The following SAMD5 variants were observed in gnomAD, a reference collection of about 807,000 sequenced individuals.
SAMD5 encodes the protein sterile alpha motif domain containing 5.
In SAMD5, 13 loss-of-function variants were observed where a neutral mutation model predicts 11.3. That is an observed-to-expected ratio of 1.15 (90% CI 0.75 to 1.83). SAMD5 has a LOEUF of 1.83. SAMD5 is among the 40% of genes most tolerant of loss of function. The probability of loss-of-function intolerance (pLI) is 0.00; values close to 1 mark genes in which losing one functional copy is unlikely to be tolerated. For synonymous variants in SAMD5, 129 were observed against 111.3 expected (o/e 1.16, Z -1.00); for missense variants, 255 against 239.1 (o/e 1.07, Z -0.44).
At position 147,569,220 on chromosome 6, in the gene SAMD5, A is replaced by G; in HGVS notation, c.*4764A>G. The G allele has an allele frequency of 8.0e-6, 1 of 125,688 alleles. No homozygotes were observed. The highest frequency in any genetic ancestry group is 1.4e-5 in the Non-Finnish European group (1 of 72,168). 7.8% of individuals were successfully genotyped at this position (125,688 alleles called of 1,614,324 possible). A position where few individuals can be genotyped will look rare whatever the true frequency, so the allele number is the denominator to read the frequency against. ...TGGGCAACAGAGTGAGACTCTGTCT[A>G]AAAAAAAAAAAAAAAGAAAAGAAAA... On this transcript the variant is annotated 3_prime_UTR_variant, in exon 2 of 2. Transcript: ENST00000367474.
At chr6:147,915,522 G>C in the SAMD5 span, among the ~76,000 whole-genome samples, 1 of 152,198 alleles carries the variant, frequency 6.6e-6, no homozygotes. Flanking sequence ...TTCCTCATTA[G>C]AGAAACAAGA....
intron 1 of SAMD5, among the ~76,000 whole-genome samples, chr6:147,632,973 G>A (rs1194684293): frequency 6.6e-6 from 1 of 151,598 alleles, no homozygotes; most frequent in Non-Finnish European, 1.5e-5. Context: ...TCCTTATTAA[G>A]CACCTTTGAT....
the SAMD5 span, among the ~76,000 whole-genome samples, chr6:147,821,935 T>A: frequency 2.6e-5 from 4 of 152,156 alleles, no homozygotes; most frequent in African/African-American, 9.7e-5. Flanking sequence ...GTCTAGATAT[T>A]TTTTCAGAAT....
intron 1 of SAMD5, among the ~76,000 whole-genome samples, chr6:147,640,294 C>T (rs1790290427): frequency 6.6e-6 from 1 of 150,468 alleles, no homozygotes; most frequent in South Asian, 2.1e-4. Flanking sequence ...TACCACTGCA[C>T]TCCAGCCTGG....
rs1789834103 is a variant in SAMD5 at position 147,614,329 on chromosome 6, T to G, written c.162+104942T>G. Among the ~76,000 whole-genome samples, 4 of 151,664 alleles carry G rather than the reference T, an allele frequency of 2.6e-5. No homozygotes were observed. The South Asian group carries it at 6.2e-4, about 24-fold the overall frequency. ...CTCAAAATACAAAAAATGAGCTGGGTGTGGCGGTGGGCACCTGTAGTCCCA... is the reference window on the plus strand; with the variant it reads ...CTCAAAATACAAAAAATGAGCTGGGGGTGGCGGTGGGCACCTGTAGTCCCA... On this transcript the variant is annotated intron_variant, in intron 1 of 1. Transcript: ENST00000566741.
the SAMD5 span, among the ~76,000 whole-genome samples, chr6:147,822,699 A>C: frequency 6.6e-6 from 1 of 152,204 alleles, no homozygotes; most frequent in Admixed American, 6.5e-5. Flanking sequence ...CAAAACCAGC[A>C]ATTATCCCTC....
the SAMD5 span, among the ~76,000 whole-genome samples, chr6:147,857,525 TATAATGATA>T: frequency 2.0e-5 from 3 of 151,718 alleles, no homozygotes; most frequent in Admixed American, 2.0e-4. Flanking sequence ...AAAAAAATTA[TATAATGATA>T]ATAATGACAA....
At chr6:147,749,792 A>G in the SAMD5 span, among the ~76,000 whole-genome samples, 71 of 152,306 alleles carry the variant, frequency 4.7e-4, no homozygotes, top group African/African-American at 1.1e-3. Context: ...GTAACCTCCA[A>G]AAATAGAAAA....
At chr6:147,795,077 T>C in the SAMD5 span, among the ~76,000 whole-genome samples, 3 of 151,786 alleles carry the variant, frequency 2.0e-5, no homozygotes, top group Admixed American at 6.6e-5. Context: ...TTTTTATTAT[T>C]ATTATACTTT....
rs1790901847 is a variant in SAMD5 at position 147,678,899 on chromosome 6, A to G, written c.163-58418A>G. 1.3e-5 allele frequency among the ~76,000 whole-genome samples: 2 copies of G among 152,156 alleles called. 1 individual carries two copies. Among genetic ancestry groups the G allele is most frequent in the South Asian group, 4.1e-4 (2 of 4,830 alleles). ...GTATACCCATGAAACCATCACCACA[A>G]TCAAGATAATGAACATATCCATCGT... On this transcript the variant is annotated intron_variant, in intron 1 of 1. Coordinates refer to the SAMD5 transcript ENST00000566741.
intron 1 of SAMD5, among the ~76,000 whole-genome samples, chr6:147,659,470 C>A (rs1187750317): frequency 6.6e-6 from 1 of 152,094 alleles, no homozygotes; most frequent in Non-Finnish European, 1.5e-5. Flanking sequence ...TTTTTGATCA[C>A]CAACTTGAGT....
At chr6:147,743,560 G>C in the SAMD5 span, among the ~76,000 whole-genome samples, 52 of 151,444 alleles carry the variant, frequency 3.4e-4, no homozygotes, top group African/African-American at 1.2e-3. Flanking sequence ...TAGATTGTTT[G>C]TATTAAATAT....
At chr6:147,682,697 A>G (rs930967536) in intron 1 of SAMD5, among the ~76,000 whole-genome samples, 1 of 152,244 alleles carries the variant, frequency 6.6e-6, no homozygotes, top group Non-Finnish European at 1.5e-5. Flanking sequence ...TTAATCAAAT[A>G]GTAGGTTTTG....
chr6:147,897,671 G>A, the SAMD5 span, among the ~76,000 whole-genome samples: 10 of 152,070 alleles, frequency 6.6e-5, no homozygotes, highest in Admixed American at 1.3e-4. Flanking sequence ...CAGACCAGGC[G>A]CAGGGGCTCA....
intron 1 of SAMD5, among the ~76,000 whole-genome samples, chr6:147,709,516 G>A (rs1203199016): frequency 6.6e-6 from 1 of 152,190 alleles, no homozygotes; most frequent in Non-Finnish European, 1.5e-5. Context: ...TTGGTTTTAA[G>A]ATAATTCTGT....
the SAMD5 span, among the ~76,000 whole-genome samples, chr6:147,917,408 G>A: frequency 6.6e-6 from 1 of 151,232 alleles, no homozygotes; most frequent in Admixed American, 6.6e-5. Context: ...GGGGTTGTTT[G>A]TTTTTTTCTT....
chr6:147,598,478 A>G (rs954805892), intron 1 of SAMD5, among the ~76,000 whole-genome samples: 1 of 152,170 alleles, frequency 6.6e-6, no homozygotes, highest in African/African-American at 2.4e-5. Flanking sequence ...TTTTGGCAGC[A>G]ATATAGTACA....
At chr6:147,509,562 C>T (rs941744417) in intron 1 of SAMD5, among the ~76,000 whole-genome samples, 175 bp downstream of exon 1, 30 of 152,076 alleles carry the variant, frequency 2.0e-4, no homozygotes, top group African/African-American at 7.2e-4. Context: ...TTCGTCCTTC[C>T]TGGTGTCTCC....
chr6:147,941,311 C>T, the SAMD5 span, among the ~76,000 whole-genome samples: 35,056 of 152,066 alleles, frequency 0.23, 4,626 homozygotes, highest in African/African-American at 0.35. Context: ...ATTACCTACT[C>T]GGTATGTGCA....
Sources: allele counts gnomAD v4.1 joint callset (sites outside exome capture counted in the v4.1 genomes callset), GRCh38; gene constraint gnomAD v4.1.1; transcripts MANE v1.5; gene names NCBI Gene and HGNC (gene_info 2026-07-23, HGNC 2026-07-21).